PADI3: variants seen among roughly 807,000 people sequenced by gnomAD.
PADI3 encodes the protein protein-arginine deiminase type-3.
PADI3 carries 53 observed loss-of-function variants against 71.5 expected under a neutral mutation model. The observed-to-expected ratio is 0.74, with a 90% CI of 0.59 to 0.93. The LOEUF (loss-of-function observed/expected upper bound fraction) is 0.93, where lower values mean the gene tolerates loss of function less well. Among genes scored for constraint, PADI3 ranks in the 40% least tolerant of loss-of-function variants. The probability of loss-of-function intolerance (pLI) is 0.00; values close to 1 mark genes in which losing one functional copy is unlikely to be tolerated. For synonymous variants in PADI3, 361 were observed against 347.5 expected (o/e 1.04, Z -0.43); for missense variants, 821 against 868.0 (o/e 0.95, Z 0.68).
rs752495874 is a variant in PADI3, at chr1:17,273,384, C to T, written c.1092C>T (p.Leu364=). The T allele has an allele frequency of 6.2e-6, 10 of 1,613,744 alleles. No homozygotes were observed. Among genetic ancestry groups the T allele is most frequent in the Non-Finnish European group, 8.5e-6 (10 of 1,179,928 alleles). ...LGYVQAPHKT[L]PVVFDSPRNG... ...ACGTTCAGGCGCCGCACAAGACCCT[C>T]CCGGTGGTCTTTGACTCCCCAAGGA... is the stretch of plus-strand genomic sequence containing the variant. The change falls in exon 10 of 16, where the codon CTC becomes CTT. Residue 364 remains leucine (L), a synonymous_variant. Coordinates refer to ENST00000375460, the MANE Select transcript of PADI3 (RefSeq NM_016233.2).
rs2073340779 is a variant in PADI3, at chr1:17,276,883, A to T, written c.1555+7A>T. On this transcript the variant is annotated splice_region_variant and intron_variant, in intron 13 of 15. Coordinates refer to ENST00000375460, the MANE Select transcript of PADI3 (RefSeq NM_016233.2). ...CTGTTCCAGGGGGTTGTTGGTGGGT[A>T]ACAGTGCCGTGTCCCTCCTTGCGGC... is the stretch of plus-strand genomic sequence containing the variant. 6.2e-7 allele frequency: 1 copy of T among 1,604,968 alleles called. No individual in the cohort carries two copies. Among genetic ancestry groups the T allele is most frequent in the Non-Finnish European group, 8.5e-7 (1 of 1,175,428 alleles).
In PADI3 at chr1:17,277,414, C is replaced by T. The variant is rs373242853; in HGVS notation, c.1555+538C>T. 6.6e-5 allele frequency among the ~76,000 whole-genome samples: 10 copies of T among 152,298 alleles called. 1 individual carries two copies. In the East Asian group the frequency reaches 1.4e-3, roughly 21 times the overall value. Reference sequence around the variant, plus strand: ...TTCTCCATGTTGGTCAGGCTGGTCTCGAACTCCTGACCTCAGGTGATCAGC... The same window carrying T: ...TTCTCCATGTTGGTCAGGCTGGTCTTGAACTCCTGACCTCAGGTGATCAGC... On this transcript the variant is annotated intron_variant, in intron 13 of 15. Transcript: ENST00000375460.
In PADI3 at chr1:17,276,582, C is replaced by G; in HGVS notation, c.1371C>G (p.Pro457=). The change falls in exon 12 of 16, where the codon CCC becomes CCG. Residue 457 remains proline (P), a synonymous_variant. Transcript: ENST00000375460. Reference sequence around the variant, plus strand: ...TCCTCCATGCCCAGAAGGTGCAGCCCCCCGTGGAGCTCTTTGTGGACTGGT... The same window carrying G: ...TCCTCCATGCCCAGAAGGTGCAGCCGCCCGTGGAGCTCTTTGTGGACTGGT... ...RDFLHAQKVQ[P]PVELFVDWLA... 2 of 1,614,178 alleles carry G rather than the reference C, an allele frequency of 1.2e-6. No homozygotes were observed. Among genetic ancestry groups the G allele is most frequent in the Non-Finnish European group, 1.7e-6 (2 of 1,180,032 alleles).
In PADI3 at chr1:17,283,805, G is replaced by A. The variant is rs12135399; in HGVS notation, c.*726G>A. ...CTCCTGGAATTTCTTGGAGACGAAA[G>A]TATCTGGGGGATTGTTGGGTACTAG... On this transcript the variant is annotated 3_prime_UTR_variant, in exon 16 of 16. Transcript: ENST00000375460. 4,241 of 152,376 alleles carry A rather than the reference G, an allele frequency of 0.028. 87 individuals are homozygous for A. Among genetic ancestry groups the A allele is most frequent in the Non-Finnish European group, 0.043 (2,947 of 68,072 alleles). 9.4% of individuals were successfully genotyped at this position (152,376 alleles called of 1,614,324 possible).
In PADI3 at chr1:17,266,726, G is replaced by T; in HGVS notation, c.416G>T (p.Trp139Leu). 1 of 1,613,960 alleles carries T rather than the reference G, an allele frequency of 6.2e-7. No homozygotes were observed. The highest frequency in any genetic ancestry group is 8.5e-7 in the Non-Finnish European group (1 of 1,179,830). The change falls in exon 5 of 16, where the codon TGG (tryptophan) becomes TTG (leucine). Residue 139 changes from tryptophan to leucine, a missense_variant. Transcript: ENST00000375460. ...ATGTTTTGTCATTGGCAGCGGCAGT[G>T]GGTCTGGGGGCCCAGTGGGTATGGC... The part of the protein sequence containing the change: ...QDRNFVDKRQ[W>L]VWGPSGYGGI...
intron 13 of PADI3, among the ~76,000 whole-genome samples, chr1:17,277,658 G>T (rs1280119383): frequency 1.3e-5 from 2 of 152,198 alleles, no homozygotes; most frequent in Non-Finnish European, 2.9e-5. Flanking sequence ...TCAGTGCAAG[G>T]CCTCCCCCAT....
rs780347349 is a variant in PADI3 at position 17,265,731 on chromosome 1, C to T, written c.408+11C>T. The T allele has an allele frequency of 2.2e-5, 36 of 1,613,396 alleles. No individual in the cohort carries two copies. The South Asian group carries it at 4.0e-4, about 18-fold the overall frequency. On this transcript the variant is annotated intron_variant, in intron 4 of 15. Coordinates refer to ENST00000375460, the MANE Select transcript of PADI3 (RefSeq NM_016233.2). ...AACTTTGTAGACAAGGTAAGCATCT[C>T]TGCCTGGGCCCAGGAAGCAGGAGTG...
chr1:17,250,601 T>G (rs949223831), intron 1 of PADI3, among the ~76,000 whole-genome samples: 18 of 151,948 alleles, frequency 1.2e-4, no homozygotes, highest in South Asian at 8.3e-4. Flanking sequence ...TAAATCCTGG[T>G]ATTGGTGGGT....
At position 17,271,182 on chromosome 1, in the gene PADI3, A is replaced by G; in HGVS notation, c.1047+4A>G. ...CCGCAACGACCGCTGGATCCAGGTA[A>G]CCACAGCCACTGGGCAGGGCCCAGC... On this transcript the variant is annotated splice_donor_region_variant and intron_variant, in intron 9 of 15. Coordinates refer to ENST00000375460, the MANE Select transcript of PADI3 (RefSeq NM_016233.2). 2 of 1,611,082 alleles carry G rather than the reference A, an allele frequency of 1.2e-6. No individual in the cohort carries two copies. The highest frequency in any genetic ancestry group is 1.7e-6 in the Non-Finnish European group (2 of 1,178,870).
At chr1:17,271,489 T>C (rs1300297894) in intron 9 of PADI3, among the ~76,000 whole-genome samples, 2 of 152,186 alleles carry the variant, frequency 1.3e-5, no homozygotes, top group Non-Finnish European at 2.9e-5. Context: ...CAAGAGGCGA[T>C]GTGTCCCCAG....
At chr1:17,275,622 G>C (rs1486877192) in intron 11 of PADI3, among the ~76,000 whole-genome samples, 1 of 152,150 alleles carries the variant, frequency 6.6e-6, no homozygotes, top group African/African-American at 2.4e-5. Flanking sequence ...AACATACAGA[G>C]AGAGTAACAA....
Position 17,274,725 on chromosome 1 carries a change from G to C in PADI3, c.1246G>C (p.Val416Leu). 6.2e-7 allele frequency: 1 copy of C among 1,613,964 alleles called. No individual in the cohort carries two copies. Among genetic ancestry groups the C allele is most frequent in the Non-Finnish European group, 8.5e-7 (1 of 1,179,944 alleles). Reference protein sequence around the residue: ...SFGNLEVSPPVVANGKEYPLG... With the variant: ...SFGNLEVSPPLVANGKEYPLG... ...TGGGAACCTGGAGGTCAGCCCTCCA[G>C]TGGTGGCCAATGGGAAAGAGTACCC... Residue 416 changes from valine to leucine, a missense_variant, in exon 11 of 16, where the codon GTG (valine) becomes CTG (leucine). Coordinates refer to ENST00000375460, the MANE Select transcript of PADI3 (RefSeq NM_016233.2).
chr1:17,249,169 T>C lies in PADI3; in HGVS notation c.32T>C (p.Leu11Pro). 6.2e-7 allele frequency: 1 copy of C among 1,614,210 alleles called. No individual in the cohort carries two copies. The highest frequency in any genetic ancestry group is 8.5e-7 in the Non-Finnish European group (1 of 1,180,040). The change falls in exon 1 of 16, where the codon CTG becomes CCG. Residue 11 changes from leucine to proline, a missense_variant. Coordinates refer to ENST00000375460, the MANE Select transcript of PADI3 (RefSeq NM_016233.2). MSLQRIVRVS[L>P]EHPTSAVCVA... is the part of the protein sequence containing the mutation. The stretch of plus-strand genomic sequence containing the variant: ...CTGCAGAGAATCGTGCGTGTGTCCC[T>C]GGAGCATCCCACCAGCGCGGTGTGT...
Position 17,276,562 on chromosome 1 carries a change from C to T in PADI3, c.1351C>T (p.His451Tyr), listed in dbSNP as rs985957119. 1.9e-6 allele frequency: 3 copies of T among 1,614,086 alleles called. No individual in the cohort carries two copies. The highest frequency in any genetic ancestry group is 1.3e-5 in the African/African-American group (1 of 74,940). Residue 451 changes from histidine (H) to tyrosine (Y), a missense_variant, in exon 12 of 16, where the codon CAT becomes TAT. His to Tyr is a moderately conservative substitution (Grantham distance 83). Coordinates refer to ENST00000375460, the MANE Select transcript of PADI3 (RefSeq NM_016233.2). The stretch of plus-strand genomic sequence containing the variant: ...CACCCAGGTGGTGCGGGACTTCCTC[C>T]ATGCCCAGAAGGTGCAGCCCCCCGT... ...RVTQVVRDFL[H>Y]AQKVQPPVEL...
chr1:17,268,021 G>A, intron 6 of PADI3, 59 bp downstream of exon 6: 1 of 1,599,546 alleles, frequency 6.3e-7, no homozygotes, highest in Non-Finnish European at 8.5e-7. Flanking sequence ...GCCTACCAGG[G>A]AACCTCCTGT....
intron 10 of PADI3, 144 bp downstream of exon 10, chr1:17,273,591 T>C (rs2073286481): frequency 1.9e-6 from 1 of 522,598 alleles, no homozygotes; most frequent in Admixed American, 3.6e-5. Context: ...AATGCAGGGA[T>C]GCCCAGTCAA....
intron 3 of PADI3, among the ~76,000 whole-genome samples, chr1:17,262,961 C>T (rs1319540928): frequency 6.6e-6 from 1 of 152,214 alleles, no homozygotes; most frequent in Non-Finnish European, 1.5e-5. Context: ...GTTGCCCAGG[C>T]TGGAGTGCAA....
intron 13 of PADI3, among the ~76,000 whole-genome samples, chr1:17,278,555 T>A (rs1041748952): frequency 6.6e-6 from 1 of 152,166 alleles, no homozygotes; most frequent in African/African-American, 2.4e-5. Flanking sequence ...GTTTTGTTTT[T>A]TGTTTTGCAC....
At chr1:17,257,031 CAAAAAAAAAAAAAAA>C (rs967292996) in intron 1 of PADI3, among the ~76,000 whole-genome samples, 1 of 37,608 alleles carries the variant, frequency 2.7e-5, no homozygotes, top group Non-Finnish European at 4.9e-5. Flanking sequence ...GACTCTGTCT[CAAAAAAAAAAAAAAA>C]AAAAAAAAAA....
Sources: allele counts gnomAD v4.1 joint callset (sites outside exome capture counted in the v4.1 genomes callset), GRCh38; gene constraint gnomAD v4.1.1; transcripts MANE v1.5; gene names NCBI Gene and HGNC (gene_info 2026-07-23, HGNC 2026-07-21).